Variants in CTBS observed in about 807,000 individuals in gnomAD.
CTBS encodes chitobiase.
A neutral mutation model predicts 44.3 loss-of-function variants in CTBS; 35 were observed. The observed-to-expected ratio is 0.79, with a 90% CI of 0.60 to 1.05. CTBS has a LOEUF of 1.05. CTBS is among the 50% of genes least tolerant of loss of function. CTBS has a pLI of 0.00. For synonymous variants in CTBS, 143 were observed against 168.0 expected (o/e 0.85, Z 1.15); for missense variants, 458 against 475.3 (o/e 0.96, Z 0.34).
intron 6 of CTBS, among the ~76,000 whole-genome samples, chr1:84,562,911 A>G (rs1051203170): frequency 6.6e-6 from 1 of 152,180 alleles, no homozygotes; most frequent in Non-Finnish European, 1.5e-5. Context: ...GCTTTCAGAG[A>G]TAGTAACTTA....
In CTBS at chr1:84,574,226, G is replaced by A. The variant is rs975786089; in HGVS notation, c.177+13C>T. 1 of 1,603,576 alleles carries A rather than the reference G, an allele frequency of 6.2e-7. No individual in the cohort carries two copies. Among genetic ancestry groups the A allele is most frequent in the Non-Finnish European group, 8.5e-7 (1 of 1,175,812 alleles). Reference sequence around the variant, plus strand: ...TGAAGCCCAGACCTAGAGGAGCAGAGGAAGGCGCTGACCTCGAAATCTGGA... The same window carrying A: ...TGAAGCCCAGACCTAGAGGAGCAGAAGAAGGCGCTGACCTCGAAATCTGGA... On this transcript the variant is annotated intron_variant, in intron 1 of 6. Transcript: ENST00000370630.
rs1054563254 is a variant in CTBS at position 84,574,408 on chromosome 1, C to T, written c.8G>A (p.Arg3Gln). ...GAGGCGCCAGCGTCGAAGCTGCGGC[C>T]GGGACATAGCAGCAGGTCTAGCGGG... MS[R>Q]PQLRRWRLVS... Residue 3 changes from arginine (R) to glutamine (Q), a missense_variant, in exon 1 of 7, where the codon CGG becomes CAG. By Grantham distance (43) the Arg-to-Gln change is conservative (BLOSUM62 1). Transcript: ENST00000370630. 6.5e-6 allele frequency: 10 copies of T among 1,548,434 alleles called. No homozygotes were observed. The highest frequency in any genetic ancestry group is 1.4e-5 in the African/African-American group (1 of 72,534).
At chr1:84,564,792 T>C (rs566791629) in intron 4 of CTBS, among the ~76,000 whole-genome samples, 3 of 152,272 alleles carry the variant, frequency 2.0e-5, no homozygotes, top group South Asian at 4.1e-4. Context: ...ATGCCTGTAA[T>C]TGAAGCTCTC....
rs1570461971 is a variant in CTBS, at chr1:84,554,405, T to C, written c.*594A>G. On this transcript the variant is annotated 3_prime_UTR_variant, in exon 7 of 7. Transcript: ENST00000370630. ...TTGTGAATACATTTAATCTTCTGGA[T>C]TCTTTTTAATTCTCACTCACTGTCC... 1 of 152,362 alleles carries C rather than the reference T, an allele frequency of 6.6e-6. No individual in the cohort carries two copies. The highest frequency in any genetic ancestry group is 1.9e-4 in the East Asian group (1 of 5,190). The allele number at this position is 152,362 out of a possible 1,614,324, so 9.4% of individuals were successfully genotyped here.
chr1:84,564,955 C>T (rs1684664148), intron 4 of CTBS, among the ~76,000 whole-genome samples: 1 of 151,994 alleles, frequency 6.6e-6, no homozygotes, highest in Non-Finnish European at 1.5e-5. Context: ...TGGGGGATCA[C>T]TTAAGCCCAG....
At chr1:84,566,634 ATCTT>A (rs1374508779) in intron 3 of CTBS, among the ~76,000 whole-genome samples, 1 of 152,136 alleles carries the variant, frequency 6.6e-6, no homozygotes, top group African/African-American at 2.4e-5. Context: ...GTTGAGTATT[ATCTT>A]TCTTTTTTGG....
At chr1:84,573,107 C>T (rs909677918) in intron 1 of CTBS, among the ~76,000 whole-genome samples, 2 of 152,212 alleles carry the variant, frequency 1.3e-5, no homozygotes, top group African/African-American at 4.8e-5. Flanking sequence ...CCTTGGATTT[C>T]CTGCTTAAGC....
Position 84,574,357 on chromosome 1 carries a change from G to C in CTBS, c.59C>G (p.Pro20Arg), listed in dbSNP as rs1405304360. 1.3e-6 allele frequency: 2 copies of C among 1,569,800 alleles called. No individual in the cohort carries two copies. Among genetic ancestry groups the C allele is most frequent in the Non-Finnish European group, 1.7e-6 (2 of 1,158,090 alleles). ...RLVSSPPSGV[P>R]GLALLALLAL... ...CAGCAGCGCCAGCAGCGCTAGACCCGGGACGCCGCTCGGCGGGCTAGAGAC... is the reference window on the plus strand; with the variant it reads ...CAGCAGCGCCAGCAGCGCTAGACCCCGGACGCCGCTCGGCGGGCTAGAGAC... The change falls in exon 1 of 7, where the codon CCG becomes CGG. Residue 20 changes from proline (P) to arginine (R), a missense_variant. Transcript: ENST00000370630.
At chr1:84,559,095 A>G (rs1049671053) in intron 6 of CTBS, among the ~76,000 whole-genome samples, 3 of 152,276 alleles carry the variant, frequency 2.0e-5, no homozygotes, top group African/African-American at 7.2e-5. Context: ...GCAGACATTA[A>G]ATTTTTTGCA....
chr1:84,557,415 C>A, intron 6 of CTBS, among the ~76,000 whole-genome samples: 1 of 151,626 alleles, frequency 6.6e-6, no homozygotes, highest in East Asian at 1.9e-4. Flanking sequence ...TGCCTGTAAT[C>A]CCAGCTACTC....
Position 84,553,118 on chromosome 1 carries a change from CAATT to C in CTBS, c.*1877_*1880del. The C allele has an allele frequency of 6.8e-7, 1 of 1,469,992 alleles. No individual in the cohort carries two copies. Among genetic ancestry groups the C allele is most frequent in the Non-Finnish European group, 9.1e-7 (1 of 1,098,044 alleles). 91.1% of individuals were successfully genotyped at this position (1,469,992 alleles called of 1,614,324 possible). On this transcript the variant is annotated 3_prime_UTR_variant, in exon 7 of 7. Transcript: ENST00000370630. ...AAAAAATAATACATCTCTACAATCT[CAATT>C]AGGTATGTTAATTTAAAACTTTTAT... is the stretch of plus-strand genomic sequence containing the variant.
chr1:84,568,687 A>G (rs2943661), intron 3 of CTBS, among the ~76,000 whole-genome samples: 1,885 of 152,196 alleles, frequency 0.012, 32 homozygotes, highest in African/African-American at 0.042. Context: ...TGTTGGAGGT[A>G]GGGCCTGGTA....
chr1:84,560,530 T>C (rs953574546), intron 6 of CTBS, among the ~76,000 whole-genome samples: 11 of 152,198 alleles, frequency 7.2e-5, no homozygotes, highest in African/African-American at 2.4e-4. Flanking sequence ...AAACCTCCCA[T>C]GTCGGGTAAA....
At chr1:84,555,336 C>A (rs933993418) in intron 6 of CTBS, 137 bp from the exon 7 acceptor site, 5 of 600,126 alleles carry the variant, frequency 8.3e-6, no homozygotes, top group Middle Eastern at 4.5e-4. Flanking sequence ...AAAAAGGATA[C>A]AATGAAATAA....
Position 84,550,798 on chromosome 1 carries a change from A to T in CTBS, c.*4201T>A, listed in dbSNP as rs996185939. On this transcript the variant is annotated 3_prime_UTR_variant, in exon 7 of 7. Coordinates refer to ENST00000370630, the MANE Select transcript of CTBS (RefSeq NM_004388.3). Reference sequence around the variant, plus strand: ...TAAAGGAAAAGGAACCTGTGAGTCAATATATTCTCAAAAAAAATTTTAAGT... The same window carrying T: ...TAAAGGAAAAGGAACCTGTGAGTCATTATATTCTCAAAAAAAATTTTAAGT... 9.8e-7 allele frequency: 1 copy of T among 1,023,830 alleles called. No homozygotes were observed. The highest frequency in any genetic ancestry group is 5.6e-5 in the Admixed American group (1 of 17,776). 63.4% of individuals were successfully genotyped at this position (1,023,830 alleles called of 1,614,324 possible). A position where few individuals can be genotyped will look rare whatever the true frequency, so the allele number is the denominator to read the frequency against.
At chr1:84,573,662 A>G (rs1647379210) in intron 1 of CTBS, among the ~76,000 whole-genome samples, 1 of 152,166 alleles carries the variant, frequency 6.6e-6, no homozygotes, top group African/African-American at 2.4e-5. Context: ...TGGTTTTAAT[A>G]TTGCTCCAGA....
intron 4 of CTBS, among the ~76,000 whole-genome samples, chr1:84,564,378 C>G (rs2102026023): frequency 6.6e-6 from 1 of 152,236 alleles, no homozygotes; most frequent in East Asian, 1.9e-4. Context: ...CCCAATGCTG[C>G]AAAACATGTT....
At position 84,552,837 on chromosome 1, in the gene CTBS, C is replaced by T; in HGVS notation, c.*2162G>A. 2.0e-6 allele frequency: 1 copy of T among 489,190 alleles called. No homozygotes were observed. The allele number at this position is 489,190 out of a possible 1,614,324, so 30.3% of individuals were successfully genotyped here. ...AAGGTTACCTTATAGCATATCTCAC[C>T]AGTAGATAAGCATGCTTATTAAACA... On this transcript the variant is annotated 3_prime_UTR_variant, in exon 7 of 7. Transcript: ENST00000370630.
intron 3 of CTBS, among the ~76,000 whole-genome samples, chr1:84,567,124 A>G (rs770406214): frequency 2.2e-4 from 34 of 152,368 alleles, no homozygotes; most frequent in Non-Finnish European, 4.1e-4. Context: ...TACTTTAGGT[A>G]ACATTTTTAT....
Sources: gnomAD v4.1 joint callset for allele counts (sites outside exome capture counted in the v4.1 genomes callset) on GRCh38, gnomAD v4.1.1 for gene constraint, MANE v1.5 for transcripts, NCBI Gene and HGNC (gene_info 2026-07-23, HGNC 2026-07-21) for gene names.